The following HERC2 variants were observed in gnomAD, a reference collection of about 807,000 sequenced individuals.
HERC2 encodes HECT and RLD domain containing E3 ubiquitin protein ligase 2, also known as E3 ubiquitin-protein ligase HERC2.
Under a neutral mutation model 537.7 loss-of-function variants are expected in HERC2, and 102 were observed. The ratio of observed to expected loss-of-function variants is 0.19; its 90% confidence interval spans 0.16 to 0.22. HERC2 has a LOEUF of 0.22. Among genes scored for constraint, HERC2 ranks in the 10% least tolerant of loss-of-function variants. The pLI, the probability that HERC2 is intolerant of heterozygous loss-of-function variation, is 1.00. For synonymous variants in HERC2, 2,224 were observed against 2,466.2 expected (o/e 0.90, Z 2.91); for missense variants, 4,236 against 6,198.2 (o/e 0.68, Z 10.63).
At chr15:28,264,266 C>G (rs1172587493) in intron 14 of HERC2, among the ~76,000 whole-genome samples, 1 of 152,136 alleles carries the variant, frequency 6.6e-6, no homozygotes, top group Non-Finnish European at 1.5e-5. Context: ...GGAAAGCAGC[C>G]ACAGACAGTA....
chr15:28,132,925 A>G, intron 79 of HERC2, 95 bp from the exon 80 acceptor site: 1 of 1,005,628 alleles, frequency 9.9e-7, no homozygotes, highest in Non-Finnish European at 1.4e-6. Flanking sequence ...CTTCCTAATC[A>G]GTTAATTGTT....
intron 16 of HERC2, among the ~76,000 whole-genome samples, chr15:28,258,774 G>GA (rs2075337796): frequency 6.6e-6 from 1 of 151,794 alleles, no homozygotes; most frequent in South Asian, 2.1e-4. Flanking sequence ...AAACAAAAGG[G>GA]AAAAATTAAT....
At chr15:28,149,591 C>T (rs1026971529) in intron 70 of HERC2, among the ~76,000 whole-genome samples, 1 of 151,746 alleles carries the variant, frequency 6.6e-6, no homozygotes, top group African/African-American at 2.4e-5. Context: ...CAAAAAAACA[C>T]ACGCGGCTCC....
intron 42 of HERC2, 107 bp from the exon 43 acceptor site, chr15:28,212,690 C>A: frequency 8.4e-7 from 1 of 1,184,154 alleles, no homozygotes; most frequent in Admixed American, 2.3e-5. Context: ...CCACACATAC[C>A]CGTAAGCCTT....
rs1477960208 is a variant in HERC2 at position 28,152,765 on chromosome 15, G to A, written c.10812C>T (p.Ser3604=). 18 of 1,552,676 alleles carry A rather than the reference G, an allele frequency of 1.2e-5. No homozygotes were observed. Among genetic ancestry groups the A allele is most frequent in the Middle Eastern group, 1.7e-4 (1 of 5,872 alleles). Residue 3604 remains serine (S), a synonymous_variant, in exon 70 of 93, where the codon AGC becomes AGT. Coordinates refer to ENST00000261609, the MANE Select transcript of HERC2 (RefSeq NM_004667.6). ...CCACAGGCTGAGAAGAGAGGCGGCC[G>A]CTCTGCGAGTCTGTGGCCACATCCT... The part of the protein sequence containing the change: ...ELEDVATDSQ[S]GRLSSQPVVV...
rs577450455 is a variant in HERC2 at position 28,161,453 on chromosome 15, T to C, written c.10746+1641A>G. Reference sequence around the variant, plus strand: ...GCCAGGAAGGACATCTCAGGCTCCCTGGCAGGGCAGAGCATGGCTGCTGAT... The same window carrying C: ...GCCAGGAAGGACATCTCAGGCTCCCCGGCAGGGCAGAGCATGGCTGCTGAT... On this transcript the variant is annotated intron_variant, in intron 69 of 92. Coordinates refer to ENST00000261609, the MANE Select transcript of HERC2 (RefSeq NM_004667.6). Among the ~76,000 whole-genome samples, 18 of 152,346 alleles carry C rather than the reference T, an allele frequency of 1.2e-4. No homozygotes were observed. In the South Asian group the frequency reaches 3.5e-3, roughly 30 times the overall value.
chr15:28,255,530 C>T (rs1045309391), intron 19 of HERC2, among the ~76,000 whole-genome samples: 25 of 152,052 alleles, frequency 1.6e-4, no homozygotes, highest in African/African-American at 4.6e-4. Context: ...TATATTGCTG[C>T]GACACTCAGA....
chr15:28,166,205 A>G (rs1189882736), intron 68 of HERC2, among the ~76,000 whole-genome samples: 1 of 152,196 alleles, frequency 6.6e-6, no homozygotes, highest in Non-Finnish European at 1.5e-5. Context: ...ATCCAAACCA[A>G]AGACATCACA....
At chr15:28,231,602 C>T (rs1019252833) in intron 30 of HERC2, among the ~76,000 whole-genome samples, 1 of 152,104 alleles carries the variant, frequency 6.6e-6, no homozygotes, top group African/African-American at 2.4e-5. Context: ...ATCCACGTGA[C>T]GCCACTGGGG....
chr15:28,254,486 T>C lies in HERC2; in HGVS notation c.2904A>G (p.Glu968=). The change falls in exon 20 of 93, where the codon GAA becomes GAG. Residue 968 remains glutamate, a synonymous_variant. Coordinates refer to ENST00000261609, the MANE Select transcript of HERC2 (RefSeq NM_004667.6). ...DIEAKKEAQK[E]KEIDEQEANA... ...TCGCTTCCTGTTCATCAATTTCTTT[T>C]TCCTTCTGTGCTTCTTTTTTGGCTT... 1 of 1,599,816 alleles carries C rather than the reference T, an allele frequency of 6.3e-7. No individual in the cohort carries two copies. The highest frequency in any genetic ancestry group is 1.3e-5 in the African/African-American group (1 of 74,098).
intron 68 of HERC2, among the ~76,000 whole-genome samples, chr15:28,164,188 G>A (rs1443288150): frequency 6.6e-6 from 1 of 152,222 alleles, no homozygotes; most frequent in Middle Eastern, 3.2e-3. Context: ...TCGAGAGCCA[G>A]GGAAGTGCCG....
chr15:28,241,157 T>C (rs1024901887), intron 23 of HERC2, among the ~76,000 whole-genome samples: 2 of 152,092 alleles, frequency 1.3e-5, no homozygotes, highest in Non-Finnish European at 2.9e-5. Flanking sequence ...ATGCAGAATA[T>C]ATAATTAACT....
intron 56 of HERC2, among the ~76,000 whole-genome samples, chr15:28,183,047 C>T (rs970895320): frequency 7.9e-5 from 12 of 152,130 alleles, no homozygotes; most frequent in African/African-American, 2.7e-4. Flanking sequence ...ATGTAAAATG[C>T]TTCTCTCTTC....
intron 65 of HERC2, among the ~76,000 whole-genome samples, chr15:28,173,735 G>A (rs1894922921): frequency 6.7e-6 from 1 of 150,274 alleles, no homozygotes; most frequent in Non-Finnish European, 1.5e-5. Flanking sequence ...CCCAGGAGGT[G>A]GAAGCTGCAG....
intron 22 of HERC2, 43 bp downstream of exon 22, chr15:28,246,699 T>A (rs1224529761): frequency 6.8e-7 from 1 of 1,477,674 alleles, no homozygotes; most frequent in Non-Finnish European, 9.1e-7. Context: ...CTTTCATCTA[T>A]CTCCTAAAAT....
chr15:28,170,843 A>G (rs1366252785), intron 65 of HERC2, among the ~76,000 whole-genome samples: 2 of 152,206 alleles, frequency 1.3e-5, no homozygotes. Context: ...GCATGAAGAC[A>G]TATTTTACCA....
At chr15:28,306,077 G>T (rs1314795123) in intron 2 of HERC2, among the ~76,000 whole-genome samples, 1 of 152,172 alleles carries the variant, frequency 6.6e-6, no homozygotes, top group Non-Finnish European at 1.5e-5. Context: ...TACACTGTTG[G>T]TGGGACTGTA....
intron 71 of HERC2, 91 bp downstream of exon 71, chr15:28,146,146 G>A (rs975926377): frequency 2.1e-5 from 18 of 865,554 alleles, no homozygotes; most frequent in African/African-American, 8.4e-5. Flanking sequence ...ATGAGAATAC[G>A]AAGGCAGCAT....
chr15:28,125,216 C>G, intron 83 of HERC2, 23 bp from the exon 84 acceptor site: 4 of 1,592,062 alleles, frequency 2.5e-6, no homozygotes, highest in Non-Finnish European at 3.4e-6. Flanking sequence ...AATTTAGAAT[C>G]AGAACCTGTA....
Sources: gnomAD v4.1 joint callset for allele counts (sites outside exome capture counted in the v4.1 genomes callset) on GRCh38, gnomAD v4.1.1 for gene constraint, MANE v1.5 for transcripts, NCBI Gene and HGNC (gene_info 2026-07-23, HGNC 2026-07-21) for gene names.